The following TRAPPC9 variants were observed in gnomAD, a reference collection of about 807,000 sequenced individuals.
TRAPPC9 encodes IKK2 binding protein.
In TRAPPC9, 83 loss-of-function variants were observed where a neutral mutation model predicts 124.0. That is an observed-to-expected ratio of 0.67 (90% confidence interval 0.56 to 0.80). The LOEUF (loss-of-function observed/expected upper bound fraction) is 0.80, where lower values mean the gene tolerates loss of function less well. Ranked by LOEUF, TRAPPC9 falls within the 30% of genes least tolerant of loss-of-function variation. The probability of loss-of-function intolerance (pLI) is 0.00; values close to 1 mark genes in which losing one functional copy is unlikely to be tolerated. For synonymous variants in TRAPPC9, 638 were observed against 617.5 expected, an observed-to-expected ratio of 1.03 and a Z score of -0.49; for missense variants, 1,302 against 1,508.3, an observed-to-expected ratio of 0.86 and a Z score of 2.27.
intron 21 of TRAPPC9, among the ~76,000 whole-genome samples, chr8:139,736,960 G>A (rs1818213232): frequency 6.6e-6 from 1 of 152,326 alleles, no homozygotes; most frequent in African/African-American, 2.4e-5. Flanking sequence ...CAGGGCCACC[G>A]TCCATTACAA....
At chr8:139,983,696 C>T (rs544306840) in intron 19 of TRAPPC9, among the ~76,000 whole-genome samples, 8 of 152,238 alleles carry the variant, frequency 5.3e-5, no homozygotes, top group Admixed American at 2.0e-4. Context: ...CTGGACTTTA[C>T]GATCTTGAAC....
intron 5 of TRAPPC9, among the ~76,000 whole-genome samples, chr8:140,411,624 G>A (rs578134129): frequency 2.6e-5 from 4 of 152,308 alleles, no homozygotes; most frequent in Admixed American, 2.0e-4. Flanking sequence ...TTACAGGTAT[G>A]AGCCACCGTG....
At chr8:140,319,977 G>A (rs1174492088) in intron 9 of TRAPPC9, among the ~76,000 whole-genome samples, 2 of 152,132 alleles carry the variant, frequency 1.3e-5, no homozygotes, top group African/African-American at 4.8e-5. Context: ...CATTCAGTCA[G>A]TTATGGTACT....
intron 9 of TRAPPC9, among the ~76,000 whole-genome samples, chr8:140,341,103 T>C (rs1443505543): frequency 6.6e-6 from 1 of 152,174 alleles, no homozygotes; most frequent in Non-Finnish European, 1.5e-5. Context: ...TTATTGAGCC[T>C]CTATGATTAG....
chr8:139,841,773 G>T (rs1202866960), intron 21 of TRAPPC9, among the ~76,000 whole-genome samples: 1 of 152,258 alleles, frequency 6.6e-6, no homozygotes, highest in South Asian at 2.1e-4. Flanking sequence ...TCACTGGCTG[G>T]TGGGGGACCC....
At chr8:140,127,898 G>C (rs1274557109) in intron 17 of TRAPPC9, among the ~76,000 whole-genome samples, 1 of 152,186 alleles carries the variant, frequency 6.6e-6, no homozygotes, top group Non-Finnish European at 1.5e-5. Flanking sequence ...GAGTTTACTA[G>C]ATTAACCTGA....
chr8:139,786,049 A>G (rs1381446244), intron 21 of TRAPPC9, among the ~76,000 whole-genome samples: 1 of 152,022 alleles, frequency 6.6e-6, no homozygotes, highest in Non-Finnish European at 1.5e-5. Flanking sequence ...TCTATTAAAA[A>G]TACAAAAAAT....
chr8:139,786,220 A>T (rs961211613), intron 21 of TRAPPC9, among the ~76,000 whole-genome samples: 3 of 151,938 alleles, frequency 2.0e-5, no homozygotes, highest in Non-Finnish European at 4.4e-5. Context: ...ACAAACAAAC[A>T]AATAAACCCA....
intron 17 of TRAPPC9, among the ~76,000 whole-genome samples, chr8:140,185,808 G>A (rs1302749666): frequency 6.6e-6 from 1 of 152,228 alleles, no homozygotes; most frequent in Admixed American, 6.5e-5. Flanking sequence ...GGTGAGAACT[G>A]ATGCAAACAA....
intron 12 of TRAPPC9, among the ~76,000 whole-genome samples, chr8:140,290,275 A>T (rs756185805): frequency 3.9e-5 from 6 of 152,036 alleles, no homozygotes; most frequent in Admixed American, 2.6e-4. Context: ...AAAAGACAAC[A>T]TCCATTCTCG....
intron 17 of TRAPPC9, among the ~76,000 whole-genome samples, chr8:140,120,420 G>A (rs2060961897): frequency 6.6e-6 from 1 of 152,176 alleles, no homozygotes; most frequent in South Asian, 2.1e-4. Context: ...ACAATATAGA[G>A]TGCTTCTCCC....
Position 140,147,808 on chromosome 8 carries a change from G to A in TRAPPC9, c.2556+73651C>T, listed in dbSNP as rs372807593. 1.5e-4 allele frequency among the ~76,000 whole-genome samples: 23 copies of A among 152,216 alleles called. No individual in the cohort carries two copies. The East Asian group carries it at 2.3e-3, about 15-fold the overall frequency. On this transcript the variant is annotated intron_variant, in intron 17 of 22. Transcript: ENST00000438773. ...TTAATTTACAGATGACACTGGAGCC[G>A]AAGTAGAGACCTCAGCAAAGCAACA...
chr8:139,961,045 A>G (rs879035458), intron 19 of TRAPPC9, among the ~76,000 whole-genome samples: 98,412 of 123,420 alleles, frequency 0.8, 44,457 homozygotes, highest in East Asian at 0.98. Context: ...GACAGGAAGA[A>G]AAAAACAAAC....
chr8:139,914,307 C>T (rs61083737), intron 19 of TRAPPC9, among the ~76,000 whole-genome samples: 42,742 of 152,156 alleles, frequency 0.28, 6,247 homozygotes, highest in East Asian at 0.39. Flanking sequence ...GGGAGACGAC[C>T]CGCAGGCAGG....
In TRAPPC9 at chr8:140,200,741, G is replaced by A. The variant is rs117708127; in HGVS notation, c.2556+20718C>T. Among the ~76,000 whole-genome samples the A allele has an allele frequency of 3.3e-4, 51 of 152,252 alleles. No homozygotes were observed. In the East Asian group the frequency reaches 8.7e-3, roughly 26 times the overall value. On this transcript the variant is annotated intron_variant, in intron 17 of 22. Transcript: ENST00000438773. ...ACCCGGAGGATAGATGTCATCGAGC[G>A]TCCTGAATGGGACCCAGGACAGAAA...
At chr8:139,950,693 T>G (rs56331986) in intron 19 of TRAPPC9, among the ~76,000 whole-genome samples, 1 of 152,140 alleles carries the variant, frequency 6.6e-6, no homozygotes, top group Non-Finnish European at 1.5e-5. Flanking sequence ...ATCAGACCTT[T>G]CCCAAATCAC....
chr8:139,854,654 C>T (rs753810621), intron 21 of TRAPPC9, among the ~76,000 whole-genome samples: 3 of 152,236 alleles, frequency 2.0e-5, no homozygotes, highest in Non-Finnish European at 2.9e-5. Flanking sequence ...TAGCTACACT[C>T]GGCATCACGC....
At chr8:139,973,520 G>T (rs1327829216) in intron 19 of TRAPPC9, among the ~76,000 whole-genome samples, 3 of 152,238 alleles carry the variant, frequency 2.0e-5, no homozygotes, top group Admixed American at 6.5e-5. Flanking sequence ...GTGGACAGGG[G>T]GCAAACTGAA....
intron 20 of TRAPPC9, among the ~76,000 whole-genome samples, chr8:139,895,112 CCA>C (rs1305240678): frequency 6.6e-6 from 1 of 152,184 alleles, no homozygotes; most frequent in African/African-American, 2.4e-5. Flanking sequence ...CACTTTAACT[CCA>C]GAGGCCAGGC....
Sources: gnomAD v4.1 joint callset for allele counts (sites outside exome capture counted in the v4.1 genomes callset) on GRCh38, gnomAD v4.1.1 for gene constraint, MANE v1.5 for transcripts, NCBI Gene and HGNC (gene_info 2026-07-23, HGNC 2026-07-21) for gene names.